The following PTPRD variants were observed in gnomAD, a reference collection of about 807,000 sequenced individuals.
PTPRD encodes the protein receptor-type tyrosine-protein phosphatase delta.
A neutral mutation model predicts 214.5 loss-of-function variants in PTPRD; 34 were observed. The observed-to-expected ratio is 0.16, with a 90% CI of 0.12 to 0.21. The LOEUF (loss-of-function observed/expected upper bound fraction) is 0.21, where lower values mean the gene tolerates loss of function less well. Among genes scored for constraint, PTPRD ranks in the 10% least tolerant of loss-of-function variants. The pLI is 1.00. For synonymous variants in PTPRD, 1,128 were observed against 845.7 expected, an observed-to-expected ratio of 1.33 and a Z score of -5.79; for missense variants, 2,545 against 2,398.7, an observed-to-expected ratio of 1.06 and a Z score of -1.27.
chr9:8,380,768 G>A (rs2084802849), intron 37 of PTPRD, among the ~76,000 whole-genome samples: 2 of 152,098 alleles, frequency 1.3e-5, no homozygotes, highest in Admixed American at 6.6e-5. Context: ...AAGGGCTCTC[G>A]TTCTAGGCTA....
chr9:9,957,508 A>C (rs1330957812), intron 4 of PTPRD, among the ~76,000 whole-genome samples: 1 of 152,174 alleles, frequency 6.6e-6, no homozygotes, highest in Non-Finnish European at 1.5e-5. Context: ...TTTAAAAATA[A>C]TTGAAATTAA....
chr9:8,937,254 C>G (rs1044098806), intron 11 of PTPRD, among the ~76,000 whole-genome samples: 1 of 152,120 alleles, frequency 6.6e-6, no homozygotes, highest in African/African-American at 2.4e-5. Context: ...ATAGATAAGA[C>G]AGTCAGGAAT....
intron 8 of PTPRD, among the ~76,000 whole-genome samples, chr9:9,520,460 G>C (rs958905769): frequency 6.6e-5 from 10 of 152,120 alleles, no homozygotes; most frequent in African/African-American, 2.4e-4. Context: ...AACTGAGGGA[G>C]ACGGAGCATT....
chr9:9,291,641 T>C (rs1951179749), intron 9 of PTPRD, among the ~76,000 whole-genome samples: 1 of 151,294 alleles, frequency 6.6e-6, no homozygotes, highest in South Asian at 2.1e-4. Context: ...TTGCTTATGG[T>C]TTTCATCTGA....
chr9:8,453,294 G>C (rs1324280087), intron 33 of PTPRD, among the ~76,000 whole-genome samples: 2 of 152,022 alleles, frequency 1.3e-5, no homozygotes, highest in East Asian at 1.9e-4. Flanking sequence ...CTCCCGAGTA[G>C]CTGGGATTAC....
At chr9:10,183,115 T>C (rs1451562040) in intron 3 of PTPRD, among the ~76,000 whole-genome samples, 1 of 152,188 alleles carries the variant, frequency 6.6e-6, no homozygotes, top group African/African-American at 2.4e-5. Flanking sequence ...CTACGACAAC[T>C]TCTTAGATCA....
chr9:8,687,435 C>T (rs1305913374), intron 12 of PTPRD, among the ~76,000 whole-genome samples: 1 of 152,140 alleles, frequency 6.6e-6, no homozygotes, highest in Non-Finnish European at 1.5e-5. Flanking sequence ...TTGGTAAGGA[C>T]AACACAAACC....
chr9:8,869,147 ATGCCTTTG>A (rs766260522), intron 11 of PTPRD, among the ~76,000 whole-genome samples: 3 of 152,188 alleles, frequency 2.0e-5, no homozygotes, highest in Admixed American at 2.0e-4. Flanking sequence ...TTGATTCTTG[ATGCCTTTG>A]TGTTATTTTC....
chr9:8,351,306 A>G (rs1182734014), intron 39 of PTPRD, among the ~76,000 whole-genome samples: 3 of 152,188 alleles, frequency 2.0e-5, no homozygotes, highest in Non-Finnish European at 1.5e-5. Context: ...TGCACAAAAC[A>G]TGGTCTGAAA....
chr9:8,335,456 C>G (rs550328331), intron 43 of PTPRD, among the ~76,000 whole-genome samples: 6 of 152,234 alleles, frequency 3.9e-5, no homozygotes, highest in African/African-American at 1.4e-4. Flanking sequence ...TTTGTGCTAA[C>G]AACTCTCAAT....
intron 10 of PTPRD, among the ~76,000 whole-genome samples, chr9:9,072,280 T>TACACACACACACACACAC (rs201508445): frequency 2.2e-5 from 3 of 135,638 alleles, no homozygotes; most frequent in African/African-American, 8.2e-5. Flanking sequence ...GCTGGCAACT[T>TACACACACACACACACAC]ACACACACAC....
intron 5 of PTPRD, among the ~76,000 whole-genome samples, chr9:9,832,660 G>A (rs1234073414): frequency 3.3e-5 from 5 of 151,920 alleles, no homozygotes; most frequent in Non-Finnish European, 7.4e-5. Flanking sequence ...TGGAAAGGAA[G>A]CTTTTAAAAA....
Position 8,598,795 on chromosome 9 carries a change from G to A in PTPRD, c.352+34522C>T, listed in dbSNP as rs191069741. Among the ~76,000 whole-genome samples the A allele has an allele frequency of 1.4e-4, 22 of 152,272 alleles. 1 individual carries two copies. In the East Asian group the frequency reaches 3.9e-3, roughly 27 times the overall value. ...TCTCAGAGAAATGCTGTCTTCCAAC[G>A]AGTTAAAATGCTTGGGTTATCAATC... On this transcript the variant is annotated intron_variant, in intron 14 of 45. Transcript: ENST00000381196.
intron 2 of PTPRD, among the ~76,000 whole-genome samples, chr9:10,542,669 T>C (rs1451399714): frequency 6.6e-6 from 1 of 152,084 alleles, no homozygotes; most frequent in Non-Finnish European, 1.5e-5. Flanking sequence ...CAGTGAAATA[T>C]TGTAGCTGGA....
intron 35 of PTPRD, among the ~76,000 whole-genome samples, chr9:8,414,934 A>AGAGAGGGAGG (rs2093807759): frequency 2.0e-5 from 1 of 50,582 alleles, no homozygotes; most frequent in Non-Finnish European, 3.9e-5. Flanking sequence ...GGAGGGGGAG[A>AGAGAGGGAGG]GAGAGAGAGA....
At chr9:9,047,354 A>G (rs1194555737) in intron 10 of PTPRD, among the ~76,000 whole-genome samples, 3 of 152,160 alleles carry the variant, frequency 2.0e-5, no homozygotes, top group Non-Finnish European at 4.4e-5. Context: ...ATTCAATGCA[A>G]TCTCTATCAA....
intron 2 of PTPRD, among the ~76,000 whole-genome samples, chr9:10,379,952 T>A (rs112019190): frequency 0.015 from 2,323 of 152,108 alleles, 63 homozygotes; most frequent in African/African-American, 0.053. Flanking sequence ...GTTGTTTATA[T>A]TTTCTTTTTT....
intron 2 of PTPRD, among the ~76,000 whole-genome samples, chr9:10,597,766 A>G (rs2133211319): frequency 6.6e-6 from 1 of 151,934 alleles, no homozygotes; most frequent in African/African-American, 2.4e-5. Context: ...TTATTAAAGT[A>G]TTTACTGTTG....
At chr9:8,866,241 T>A (rs2154546696) in intron 11 of PTPRD, among the ~76,000 whole-genome samples, 1 of 152,298 alleles carries the variant, frequency 6.6e-6, no homozygotes, top group East Asian at 1.9e-4. Flanking sequence ...CATAGTCTAT[T>A]CATGTTAGTG....
Sources: allele counts gnomAD v4.1 joint callset (sites outside exome capture counted in the v4.1 genomes callset), GRCh38; gene constraint gnomAD v4.1.1; transcripts MANE v1.5; gene names NCBI Gene and HGNC (gene_info 2026-07-23, HGNC 2026-07-21).